The following CTIF variants were observed in gnomAD, a reference collection of about 807,000 sequenced individuals.
The protein encoded by CTIF is CBP80/20-dependent translation initiation factor.
In CTIF, 21 loss-of-function variants were observed where a neutral mutation model predicts 66.0. The observed-to-expected ratio is 0.32, with a 90% CI of 0.23 to 0.46. CTIF has a LOEUF of 0.46. CTIF is among the 20% of genes least tolerant of loss of function. CTIF has a pLI of 1.00. For missense variants in CTIF, 739 were observed against 812.7 expected (o/e 0.91, Z 1.10); for synonymous variants, 345 against 326.4 (o/e 1.06, Z -0.62).
At chr18:48,576,457 C>T (rs750380466) in intron 1 of CTIF, among the ~76,000 whole-genome samples, 5 of 152,332 alleles carry the variant, frequency 3.3e-5, no homozygotes, top group East Asian at 1.9e-4. Flanking sequence ...CCCATTTAGG[C>T]GCTGCCCTCA....
intron 7 of CTIF, among the ~76,000 whole-genome samples, chr18:48,752,917 C>T (rs754470459): frequency 9.9e-5 from 15 of 152,250 alleles, no homozygotes; most frequent in Non-Finnish European, 1.9e-4. Context: ...TTATACTTTT[C>T]CTTTTTAAGC....
intron 1 of CTIF, chr18:48,565,613 A>T (rs1319598536): frequency 6.6e-6 from 1 of 152,236 alleles, no homozygotes; most frequent in South Asian, 2.1e-4. Flanking sequence ...TCTGTGCTTT[A>T]GTTCCCTGAT....
At chr18:48,841,793 C>T (rs975811765) in intron 10 of CTIF, among the ~76,000 whole-genome samples, 9 of 149,300 alleles carry the variant, frequency 6.0e-5, no homozygotes, top group African/African-American at 9.8e-5. Flanking sequence ...TAAGGCCAGG[C>T]GGCTATCAGT....
intron 1 of CTIF, among the ~76,000 whole-genome samples, chr18:48,583,124 A>T (rs886184294): frequency 2.0e-5 from 3 of 152,128 alleles, no homozygotes; most frequent in Non-Finnish European, 4.4e-5. Context: ...CAGCTGGGCC[A>T]TTGGACTGGA....
At chr18:48,759,400 A>G (rs1253974063) in intron 8 of CTIF, among the ~76,000 whole-genome samples, 1 of 152,222 alleles carries the variant, frequency 6.6e-6, no homozygotes, top group Non-Finnish European at 1.5e-5. Flanking sequence ...CCCAGGGTCC[A>G]CACTCAGGCA....
chr18:48,737,229 A>G (rs930045085), intron 7 of CTIF, among the ~76,000 whole-genome samples: 1 of 152,158 alleles, frequency 6.6e-6, no homozygotes, highest in Non-Finnish European at 1.5e-5. Context: ...CATCTTGTCC[A>G]AGGTCCTCAT....
rs147531493 is a variant in CTIF at position 48,781,727 on chromosome 18, G to C, written c.1371+20038G>C. ...CCCCCTTGTCAAACAGTAGAAAAGG[G>C]AGGGGGCATGGGGGCAGGAGAGGAA... is the stretch of plus-strand genomic sequence containing the variant. On this transcript the variant is annotated intron_variant, in intron 9 of 11. Transcript: ENST00000256413. 3.1e-3 allele frequency among the ~76,000 whole-genome samples: 479 copies of C among 152,182 alleles called. 1 individual carries two copies. In the Middle Eastern group the frequency reaches 0.037, roughly 12 times the overall value.
rs1340237673 is a variant in CTIF at position 48,862,309 on chromosome 18, G to C, written c.*2750G>C. Reference sequence around the variant, plus strand: ...TGCTTTCCCCTCGCCCGCGGTTCTTGGCGCATGGAAGAGGCGGTCCAGCCA... The same window carrying C: ...TGCTTTCCCCTCGCCCGCGGTTCTTCGCGCATGGAAGAGGCGGTCCAGCCA... On this transcript the variant is annotated 3_prime_UTR_variant, in exon 12 of 12. Coordinates refer to ENST00000256413, the MANE Select transcript of CTIF (RefSeq NM_014772.3). 1 of 152,312 alleles carries C rather than the reference G, an allele frequency of 6.6e-6. No individual in the cohort carries two copies. Among genetic ancestry groups the C allele is most frequent in the Non-Finnish European group, 1.5e-5 (1 of 68,078 alleles). 9.4% of individuals were successfully genotyped at this position (152,312 alleles called of 1,614,324 possible). A position where few individuals can be genotyped will look rare whatever the true frequency, so the allele number is the denominator to read the frequency against.
At position 48,817,261 on chromosome 18, in the gene CTIF, T is replaced by TG; in HGVS notation, c.1414dup (p.Glu472GlyfsTer70). On this transcript the variant is annotated frameshift_variant, in exon 10 of 12. Transcript: ENST00000256413. LOFTEE classifies it high-confidence loss of function. Reference sequence around the variant, plus strand: ...CGCGAGGAGCTGCAGCAGCAGGACGTGGAGCGCTGGCTGGGCTTCATCACC... The same window carrying TG: ...CGCGAGGAGCTGCAGCAGCAGGACGTGGGAGCGCTGGCTGGGCTTCATCACC... The TG allele has an allele frequency of 6.2e-7, 1 of 1,614,026 alleles. No homozygotes were observed. The highest frequency in any genetic ancestry group is 8.5e-7 in the Non-Finnish European group (1 of 1,179,966).
chr18:48,540,293 G>T (rs917762892), intron 1 of CTIF: 2 of 151,348 alleles, frequency 1.3e-5, no homozygotes, highest in African/African-American at 2.4e-5. Context: ...GACCCGAGAG[G>T]CCGTGGGGTG....
At chr18:48,694,153 G>T (rs1021023979) in intron 6 of CTIF, among the ~76,000 whole-genome samples, 1 of 152,188 alleles carries the variant, frequency 6.6e-6, no homozygotes, top group Admixed American at 6.5e-5. Flanking sequence ...CTCTTTGGTT[G>T]CCCTAGGGTG....
intron 6 of CTIF, among the ~76,000 whole-genome samples, chr18:48,673,144 C>T (rs1294798111): frequency 6.6e-6 from 1 of 152,176 alleles, no homozygotes; most frequent in Non-Finnish European, 1.5e-5. Flanking sequence ...GTCGCACCTG[C>T]TTACATAACT....
chr18:48,782,901 C>T (rs897980771), intron 9 of CTIF, among the ~76,000 whole-genome samples: 1 of 152,226 alleles, frequency 6.6e-6, no homozygotes, highest in African/African-American at 2.4e-5. Flanking sequence ...CACTGGCTAC[C>T]AAGCCACCAG....
At chr18:48,604,371 G>T (rs1269971262) in intron 1 of CTIF, among the ~76,000 whole-genome samples, 1 of 150,932 alleles carries the variant, frequency 6.6e-6, no homozygotes, top group African/African-American at 2.4e-5. Flanking sequence ...GTAGAGACGG[G>T]GTTTCACAGT....
At chr18:48,551,548 G>T (rs1355052650) in intron 1 of CTIF, among the ~76,000 whole-genome samples, 1 of 152,124 alleles carries the variant, frequency 6.6e-6, no homozygotes, top group Non-Finnish European at 1.5e-5. Flanking sequence ...CTTGTGTTTA[G>T]GACTTCACCC....
At chr18:48,786,073 C>T (rs901174605) in intron 9 of CTIF, among the ~76,000 whole-genome samples, 1 of 152,132 alleles carries the variant, frequency 6.6e-6, no homozygotes, top group Non-Finnish European at 1.5e-5. Context: ...CATTCTTCCT[C>T]CTTTGCAGGG....
At chr18:48,849,259 G>A (rs1197679924) in intron 10 of CTIF, among the ~76,000 whole-genome samples, 2 of 140,996 alleles carry the variant, frequency 1.4e-5, no homozygotes, top group East Asian at 2.0e-4. Flanking sequence ...GTGCAGTCGT[G>A]AGATCTCGGC....
chr18:48,563,076 C>T (rs545789735), intron 1 of CTIF, among the ~76,000 whole-genome samples: 4 of 152,350 alleles, frequency 2.6e-5, no homozygotes, highest in East Asian at 1.9e-4. Flanking sequence ...GCATAGCACC[C>T]GCCTCTTGGG....
At chr18:48,549,857 A>G (rs545923317) in intron 1 of CTIF, among the ~76,000 whole-genome samples, 36 of 152,336 alleles carry the variant, frequency 2.4e-4, no homozygotes, top group Non-Finnish European at 4.0e-4. Context: ...GAAGGGAGCA[A>G]TGGTTGGCTA....
Sources: allele counts gnomAD v4.1 joint callset (sites outside exome capture counted in the v4.1 genomes callset), GRCh38; gene constraint gnomAD v4.1.1; transcripts MANE v1.5; gene names NCBI Gene and HGNC (gene_info 2026-07-23, HGNC 2026-07-21).